Variants in NIPBL observed in about 807,000 individuals in gnomAD.
NIPBL encodes nipped-B-like protein.
Under a neutral mutation model 321.8 loss-of-function variants are expected in NIPBL, and 19 were observed. The ratio of observed to expected loss-of-function variants is 0.06; its 90% CI spans 0.04 to 0.09. The LOEUF is 0.09. Among genes scored for constraint, NIPBL ranks in the 10% least tolerant of loss-of-function variants. NIPBL has a pLI of 1.00. For synonymous variants in NIPBL, 1,106 were observed against 1,114.1 expected (o/e 0.99, Z 0.14); for missense variants, 2,210 against 3,327.0 (o/e 0.66, Z 8.26).
At chr5:37,050,515 G>A (rs960460745) in intron 40 of NIPBL, among the ~76,000 whole-genome samples, 14 of 149,966 alleles carry the variant, frequency 9.3e-5, no homozygotes, top group Non-Finnish European at 1.3e-4. Context: ...CAAAGAAATT[G>A]CAAAAGTGAT....
At position 36,985,341 on chromosome 5, in the gene NIPBL, C is replaced by T. The variant is rs762460698; in HGVS notation, c.2161C>T (p.His721Tyr). 3 of 1,613,660 alleles carry T rather than the reference C, an allele frequency of 1.9e-6. No individual in the cohort carries two copies. The highest frequency in any genetic ancestry group is 4.5e-5 in the East Asian group (2 of 44,868). The stretch of plus-strand genomic sequence containing the variant: ...GACTCCAAAACAAAAGAGTGATGGG[C>T]ATCCTGAAACCCCAAAACAGAAGGG... ...PETPKQKSDG[H>Y]PETPKQKGDG... Residue 721 changes from histidine (H) to tyrosine (Y), a missense_variant, in exon 10 of 47, where the codon CAT (histidine) becomes TAT (tyrosine). Physicochemically the swap from His to Tyr is moderately conservative, Grantham distance 83. Transcript: ENST00000282516.
At chr5:37,037,460 C>T (rs1296526766) in intron 33 of NIPBL, among the ~76,000 whole-genome samples, 1 of 147,860 alleles carries the variant, frequency 6.8e-6, no homozygotes, top group African/African-American at 2.5e-5. Context: ...TATAGATACC[C>T]ATTGCTTGAA....
intron 1 of NIPBL, among the ~76,000 whole-genome samples, chr5:36,929,769 T>C (rs984419536): frequency 6.6e-6 from 1 of 152,114 alleles, no homozygotes; most frequent in Admixed American, 6.5e-5. Context: ...TATAAGTTAA[T>C]GGTCTGTTTT....
At chr5:36,944,301 A>G (rs1239572807) in intron 1 of NIPBL, among the ~76,000 whole-genome samples, 2 of 152,172 alleles carry the variant, frequency 1.3e-5, no homozygotes, top group Non-Finnish European at 2.9e-5. Context: ...CAGATGACAC[A>G]TAAGTGATCC....
At chr5:37,059,484 G>A (rs954402220) in intron 44 of NIPBL, among the ~76,000 whole-genome samples, 5 of 152,166 alleles carry the variant, frequency 3.3e-5, no homozygotes, top group African/African-American at 9.7e-5. Flanking sequence ...TCCAGCCTGG[G>A]CAACAGAGCA....
intron 7 of NIPBL, 44 bp from the exon 8 acceptor site, chr5:36,971,901 C>T: frequency 6.4e-7 from 1 of 1,567,062 alleles, no homozygotes; most frequent in Middle Eastern, 1.7e-4. Context: ...TTCTATAAAG[C>T]CTCTCCTGTC....
At chr5:37,027,301 A>G (rs1286777336) in intron 31 of NIPBL, 58 bp from the exon 32 acceptor site, 1 of 1,272,586 alleles carries the variant, frequency 7.9e-7, no homozygotes, top group Non-Finnish European at 1.1e-6. Flanking sequence ...TAACAAAAGT[A>G]TATTTTATTC....
intron 1 of NIPBL, among the ~76,000 whole-genome samples, chr5:36,909,033 C>G (rs919708603): frequency 4.6e-5 from 7 of 152,170 alleles, no homozygotes; most frequent in Non-Finnish European, 7.3e-5. Flanking sequence ...AACCAAATAG[C>G]ATACCCTAAT....
chr5:36,891,288 T>G lies in NIPBL; in HGVS notation c.-80+14110T>G, dbSNP rs1042645729. On this transcript the variant is annotated intron_variant, in intron 1 of 46. Coordinates refer to ENST00000282516, the MANE Select transcript of NIPBL (RefSeq NM_133433.4). ...CAAAAAACAAAAAAAGAAAAAGAAA[T>G]AAAAGACTTCAGCCCACCCATATTA... 4.0e-5 allele frequency among the ~76,000 whole-genome samples: 6 copies of G among 151,884 alleles called. No individual in the cohort carries two copies. In the East Asian group the frequency reaches 5.8e-4, roughly 15 times the overall value.
In NIPBL at chr5:37,047,382, C is replaced by G. The variant is rs1024612076; in HGVS notation, c.6590-1120C>G. ...ATGAGTAAGAAAAGATTCTAACTTA[C>G]CCATACCTTATTAAATCATGTTTAT... is the stretch of plus-strand genomic sequence containing the variant. On this transcript the variant is annotated intron_variant, in intron 38 of 46. Transcript: ENST00000282516. 1.1e-3 allele frequency among the ~76,000 whole-genome samples: 171 copies of G among 152,142 alleles called. 1 individual carries two copies. Among genetic ancestry groups the G allele is most frequent in the Non-Finnish European group, 1.9e-3 (132 of 68,012 alleles).
In NIPBL at chr5:37,063,770, A is replaced by C; in HGVS notation, c.7861-20A>C. 6.2e-7 allele frequency: 1 copy of C among 1,600,822 alleles called. No individual in the cohort carries two copies. Among genetic ancestry groups the C allele is most frequent in the South Asian group, 1.1e-5 (1 of 88,984 alleles). ...TGAAATATTTACTTAAAATTCTGAA[A>C]TAATATCTGTTTTTTGTAGTTCAAA... is the stretch of plus-strand genomic sequence containing the variant. On this transcript the variant is annotated intron_variant, in intron 45 of 46. Transcript: ENST00000282516.
intron 16 of NIPBL, among the ~76,000 whole-genome samples, chr5:37,004,170 C>G (rs1035973262): frequency 6.6e-5 from 10 of 152,174 alleles, no homozygotes; most frequent in African/African-American, 2.4e-4. Flanking sequence ...TTAACTCCAG[C>G]TGTTACTATA....
At chr5:37,064,332 A>G (rs1755155028) in intron 46 of NIPBL, 195 bp from the exon 47 acceptor site, 1 of 1,436,818 alleles carries the variant, frequency 7.0e-7, no homozygotes, top group Non-Finnish European at 9.1e-7. Flanking sequence ...GTACAAATTA[A>G]GAGTTATATG....
chr5:37,033,738 T>A (rs1289973774), intron 32 of NIPBL, among the ~76,000 whole-genome samples: 134 of 126,642 alleles, frequency 1.1e-3, no homozygotes, highest in African/African-American at 4.3e-3. Context: ...ATATTTTTTT[T>A]TTTTTTTTTT....
At chr5:37,008,426 T>C (rs1355352443) in intron 19 of NIPBL, among the ~76,000 whole-genome samples, 197 bp from the exon 20 acceptor site, 14 of 152,102 alleles carry the variant, frequency 9.2e-5, no homozygotes, top group Admixed American at 8.5e-4. Flanking sequence ...GATTTCATAG[T>C]CCTTTAAATG....
intron 9 of NIPBL, among the ~76,000 whole-genome samples, chr5:36,981,791 A>T (rs1015374847): frequency 1.3e-5 from 2 of 151,704 alleles, no homozygotes; most frequent in African/African-American, 4.8e-5. Flanking sequence ...ATGTTTTTAT[A>T]ATGTTACAAT....
intron 42 of NIPBL, among the ~76,000 whole-genome samples, chr5:37,055,546 G>A (rs1290728340): frequency 6.6e-6 from 1 of 151,986 alleles, no homozygotes; most frequent in Non-Finnish European, 1.5e-5. Context: ...CATAAAAAGG[G>A]AGTAGTCAAA....
At chr5:37,037,397 A>ATATATATATATG (rs1488342612) in intron 33 of NIPBL, among the ~76,000 whole-genome samples, 26 of 147,248 alleles carry the variant, frequency 1.8e-4, no homozygotes, top group Admixed American at 8.9e-4. Flanking sequence ...CAAAAAATAT[A>ATATATATATATG]TATATATATA....
intron 1 of NIPBL, among the ~76,000 whole-genome samples, chr5:36,952,061 C>CGCGCGCGCGT (rs1554010307): frequency 1.1e-5 from 1 of 87,124 alleles, no homozygotes; most frequent in Non-Finnish European, 2.3e-5. Context: ...TGTGCGCGCG[C>CGCGCGCGCGT]GCGCGCGCGC....
Sources: gnomAD v4.1 joint callset for allele counts (sites outside exome capture counted in the v4.1 genomes callset) on GRCh38, gnomAD v4.1.1 for gene constraint, MANE v1.5 for transcripts, NCBI Gene and HGNC (gene_info 2026-07-23, HGNC 2026-07-21) for gene names.